CSMD1: variants seen among roughly 807,000 people sequenced by gnomAD.
CSMD1 encodes the protein CUB and sushi domain-containing protein 1.
Under a neutral mutation model 417.5 loss-of-function variants are expected in CSMD1, and 213 were observed. The ratio of observed to expected loss-of-function variants is 0.51; its 90% CI spans 0.46 to 0.57. CSMD1 has a LOEUF of 0.57. Among genes scored for constraint, CSMD1 ranks in the 20% least tolerant of loss-of-function variants. The pLI is 0.00. For missense variants in CSMD1, 6,923 were observed against 4,529.7 expected, an observed-to-expected ratio of 1.53 and a Z score of -15.17; for synonymous variants, 2,862 against 1,736.8, an observed-to-expected ratio of 1.65 and a Z score of -16.11.
At chr8:3,554,807 G>C (rs1202005686) in intron 10 of CSMD1, among the ~76,000 whole-genome samples, 2 of 152,158 alleles carry the variant, frequency 1.3e-5, no homozygotes, top group Admixed American at 1.3e-4. Flanking sequence ...TCAACAGTGT[G>C]TCAAGTGAGC....
At chr8:3,841,495 C>T (rs1382683266) in intron 5 of CSMD1, among the ~76,000 whole-genome samples, 1 of 152,150 alleles carries the variant, frequency 6.6e-6, no homozygotes, top group Non-Finnish European at 1.5e-5. Context: ...CTTTTCATTG[C>T]TCTTCTATGA....
chr8:3,257,354 C>A (rs1437599098), intron 26 of CSMD1, among the ~76,000 whole-genome samples: 1 of 152,242 alleles, frequency 6.6e-6, no homozygotes, highest in Non-Finnish European at 1.5e-5. Context: ...TGAGTGCCTA[C>A]TGCATGTCAG....
intron 2 of CSMD1, among the ~76,000 whole-genome samples, chr8:4,610,669 G>T (rs1450376495): frequency 6.6e-6 from 1 of 152,126 alleles, no homozygotes; most frequent in Non-Finnish European, 1.5e-5. Context: ...TTCATCCCAT[G>T]AATTAGTTTG....
intron 2 of CSMD1, among the ~76,000 whole-genome samples, chr8:4,455,339 G>A (rs2129878362): frequency 6.6e-6 from 1 of 152,246 alleles, no homozygotes; most frequent in East Asian, 1.9e-4. Flanking sequence ...CATGTAACAA[G>A]CAAACTAAGT....
chr8:3,144,779 G>C (rs967885241), intron 40 of CSMD1, among the ~76,000 whole-genome samples: 1 of 131,160 alleles, frequency 7.6e-6, no homozygotes, highest in Admixed American at 8.1e-5. Context: ...AAAAAAGGGA[G>C]AGAAAGAGGC....
chr8:4,128,395 C>G (rs1252380254), intron 3 of CSMD1, among the ~76,000 whole-genome samples: 1 of 152,134 alleles, frequency 6.6e-6, no homozygotes, highest in African/African-American at 2.4e-5. Context: ...CGATTTGGAA[C>G]TAAAACATCT....
chr8:3,310,777 G>T (rs1805274755), intron 23 of CSMD1, among the ~76,000 whole-genome samples: 1 of 151,072 alleles, frequency 6.6e-6, no homozygotes, highest in African/African-American at 2.4e-5. Flanking sequence ...GCGGGGCCAG[G>T]AAACTGTGGG....
intron 3 of CSMD1, among the ~76,000 whole-genome samples, chr8:4,093,965 A>AATAGATAGATAGATAG (rs201105711): frequency 2.5e-3 from 342 of 136,950 alleles, no homozygotes; most frequent in Middle Eastern, 7.1e-3. Context: ...CTACATCTCA[A>AATAGATAGATAGATAG]ATAGATAGAT....
At chr8:4,734,183 A>C (rs1313793251) in intron 1 of CSMD1, among the ~76,000 whole-genome samples, 1 of 152,116 alleles carries the variant, frequency 6.6e-6, no homozygotes, top group Non-Finnish European at 1.5e-5. Context: ...GGGACATTTA[A>C]ATATGTTTAC....
chr8:3,778,865 G>A (rs990491503), intron 5 of CSMD1, among the ~76,000 whole-genome samples: 4 of 152,180 alleles, frequency 2.6e-5, no homozygotes, highest in Non-Finnish European at 4.4e-5. Flanking sequence ...GAGAAAACAT[G>A]CTGCTTGCAG....
At chr8:4,307,574 G>A (rs12548881) in intron 3 of CSMD1, among the ~76,000 whole-genome samples, 16,580 of 152,152 alleles carry the variant, frequency 0.11, 961 homozygotes, top group East Asian at 0.25. Context: ...GCTTATCTGT[G>A]TTTACAGAGT....
chr8:4,198,183 T>A (rs569571441), intron 3 of CSMD1, among the ~76,000 whole-genome samples: 46 of 152,288 alleles, frequency 3.0e-4, no homozygotes, highest in Non-Finnish European at 5.7e-4. Flanking sequence ...AGGGGAGTCA[T>A]TCCAAGCAGA....
chr8:3,003,404 C>T (rs1350962586), intron 52 of CSMD1, among the ~76,000 whole-genome samples: 1 of 152,050 alleles, frequency 6.6e-6, no homozygotes, highest in Non-Finnish European at 1.5e-5. Flanking sequence ...CTCTGTCTTC[C>T]CTCAGGATGA....
chr8:4,003,701 T>A (rs922422293), intron 4 of CSMD1, among the ~76,000 whole-genome samples: 1 of 152,172 alleles, frequency 6.6e-6, no homozygotes, highest in African/African-American at 2.4e-5. Flanking sequence ...CAACATGCAT[T>A]AACACAGTGC....
At chr8:2,973,807 C>T (rs959473018) in intron 56 of CSMD1, among the ~76,000 whole-genome samples, 3 of 151,068 alleles carry the variant, frequency 2.0e-5, no homozygotes, top group Non-Finnish European at 2.9e-5. Flanking sequence ...AGGACCCATG[C>T]GGTTAATGGT....
intron 3 of CSMD1, among the ~76,000 whole-genome samples, chr8:4,254,934 TC>T (rs937101011): frequency 3.9e-5 from 6 of 152,146 alleles, no homozygotes; most frequent in Admixed American, 3.3e-4. Context: ...CCATCACTAA[TC>T]AACACATGAC....
intron 1 of CSMD1, among the ~76,000 whole-genome samples, chr8:4,822,884 T>C (rs573624890): frequency 1.1e-4 from 16 of 152,112 alleles, no homozygotes; most frequent in Non-Finnish European, 1.9e-4. Flanking sequence ...TATGTTATGT[T>C]AATGTGAGAA....
At chr8:3,841,938 A>T (rs1803164353) in intron 5 of CSMD1, among the ~76,000 whole-genome samples, 1 of 152,088 alleles carries the variant, frequency 6.6e-6, no homozygotes, top group Non-Finnish European at 1.5e-5. Flanking sequence ...TGATCCTCCA[A>T]AAAGAAAAGG....
intron 37 of CSMD1, among the ~76,000 whole-genome samples, chr8:3,166,729 T>C (rs999332818): frequency 1.3e-5 from 2 of 151,936 alleles, no homozygotes; most frequent in Non-Finnish European, 2.9e-5. Context: ...ACACAAAACA[T>C]AGGTATCTAG....
Sources: allele counts gnomAD v4.1 joint callset (sites outside exome capture counted in the v4.1 genomes callset), GRCh38; gene constraint gnomAD v4.1.1; transcripts MANE v1.5; gene names NCBI Gene and HGNC (gene_info 2026-07-23, HGNC 2026-07-21).